Variants in VKORC1L1 observed in about 807,000 individuals in gnomAD.
VKORC1L1 encodes vitamin K epoxide reductase complex subunit 1L1.
A neutral mutation model predicts 18.9 loss-of-function variants in VKORC1L1; 2 were observed. The ratio of observed to expected loss-of-function variants is 0.11; its 90% CI spans 0.04 to 0.33. VKORC1L1 has a LOEUF of 0.33. VKORC1L1 is among the 10% of genes least tolerant of loss of function. VKORC1L1 has a pLI of 1.00. For missense variants in VKORC1L1, 123 were observed against 224.1 expected (o/e 0.55, Z 2.88); for synonymous variants, 96 against 100.0 (o/e 0.96, Z 0.24).
chr7:65,930,368 C>A (rs916346957), intron 1 of VKORC1L1, among the ~76,000 whole-genome samples: 1 of 152,144 alleles, frequency 6.6e-6, no homozygotes, highest in African/African-American at 2.4e-5. Flanking sequence ...AAGTTGTTGG[C>A]GTGGAGGAGC....
chr7:65,947,613 T>G (rs923290937), intron 1 of VKORC1L1, among the ~76,000 whole-genome samples: 7 of 152,186 alleles, frequency 4.6e-5, no homozygotes, highest in Non-Finnish European at 8.8e-5. Context: ...AAATAAAAAC[T>G]GATAGGGCAT....
chr7:65,920,348 A>G (rs1458911255), intron 1 of VKORC1L1, among the ~76,000 whole-genome samples: 2 of 152,098 alleles, frequency 1.3e-5, no homozygotes, highest in African/African-American at 2.4e-5. Flanking sequence ...TGCCCGACAA[A>G]TGCTGGGCAC....
chr7:65,902,338 CAG>C (rs1243921265), intron 1 of VKORC1L1, among the ~76,000 whole-genome samples: 3 of 152,112 alleles, frequency 2.0e-5, no homozygotes, highest in Non-Finnish European at 2.9e-5. Flanking sequence ...AAGACCCAAA[CAG>C]AACATCTTGA....
At chr7:65,942,045 A>AAAAG (rs1790043459) in intron 1 of VKORC1L1, among the ~76,000 whole-genome samples, 6 of 152,132 alleles carry the variant, frequency 3.9e-5, no homozygotes, top group Non-Finnish European at 7.3e-5. Context: ...CCTGTACTTT[A>AAAAG]TGATGTATAA....
chr7:65,934,542 C>G (rs1310205096), intron 1 of VKORC1L1, among the ~76,000 whole-genome samples: 1 of 152,166 alleles, frequency 6.6e-6, no homozygotes, highest in Non-Finnish European at 1.5e-5. Context: ...ATTCCTCCCA[C>G]TCCCCCAGCC....
Position 65,954,554 on chromosome 7 carries a change from T to A in VKORC1L1, c.*254T>A. 1 of 610,434 alleles carries A rather than the reference T, an allele frequency of 1.6e-6. No homozygotes were observed. Among genetic ancestry groups the A allele is most frequent in the Non-Finnish European group, 2.6e-6 (1 of 390,722 alleles). The allele number at this position is 610,434 out of a possible 1,614,324, so 37.8% of individuals were successfully genotyped here. On this transcript the variant is annotated 3_prime_UTR_variant, in exon 3 of 3. Coordinates refer to ENST00000360768, the MANE Select transcript of VKORC1L1 (RefSeq NM_173517.6). The stretch of plus-strand genomic sequence containing the variant: ...CAAGCTTTAACTTTACTTTGAAGTG[T>A]TTCTGAAATGATAAAATGTAGCCCT...
intron 1 of VKORC1L1, among the ~76,000 whole-genome samples, chr7:65,882,771 A>G (rs1052443717): frequency 6.6e-6 from 1 of 152,244 alleles, no homozygotes; most frequent in Non-Finnish European, 1.5e-5. Flanking sequence ...TGCCTAATGC[A>G]TATATCAGGA....
chr7:65,882,169 C>T (rs984434679), intron 1 of VKORC1L1, among the ~76,000 whole-genome samples: 9 of 151,916 alleles, frequency 5.9e-5, no homozygotes, highest in African/African-American at 2.2e-4. Context: ...CACCTGAGGT[C>T]GGGAGTTGGA....
intron 1 of VKORC1L1, among the ~76,000 whole-genome samples, chr7:65,947,431 T>C (rs1790139489): frequency 1.3e-5 from 2 of 151,662 alleles, no homozygotes; most frequent in African/African-American, 2.4e-5. Context: ...TTTTTTTTTT[T>C]AGTATTTAAG....
chr7:65,907,051 C>T (rs1239049411), intron 1 of VKORC1L1, among the ~76,000 whole-genome samples: 1 of 152,100 alleles, frequency 6.6e-6, no homozygotes, highest in Non-Finnish European at 1.5e-5. Context: ...CAAAGTAGTG[C>T]TTTATAATCA....
At position 65,917,467 on chromosome 7, in the gene VKORC1L1, C is replaced by T. The variant is rs149955085; in HGVS notation, c.195-31204C>T. On this transcript the variant is annotated intron_variant, in intron 1 of 2. Coordinates refer to ENST00000360768, the MANE Select transcript of VKORC1L1 (RefSeq NM_173517.6). ...ACTATACTCCAGGCATTGGAAGTAA[C>T]CTGCAGTTTGCCAGACTTTTCATGT... is the stretch of plus-strand genomic sequence containing the variant. 2.6e-3 allele frequency among the ~76,000 whole-genome samples: 395 copies of T among 152,316 alleles called. 6 individuals are homozygous for T. In the East Asian group the frequency reaches 0.027, roughly 11 times the overall value.
chr7:65,925,510 G>A (rs890372834), intron 1 of VKORC1L1, among the ~76,000 whole-genome samples: 2 of 152,190 alleles, frequency 1.3e-5, no homozygotes, highest in African/African-American at 4.8e-5. Context: ...GGTACTTGGT[G>A]TATTTAGTAC....
At chr7:65,940,403 A>G (rs1005240605) in intron 1 of VKORC1L1, among the ~76,000 whole-genome samples, 1 of 152,240 alleles carries the variant, frequency 6.6e-6, no homozygotes. Context: ...GATGTCCAGC[A>G]TCTCAGAAAT....
At chr7:65,905,041 G>GTATATATA (rs556663893) in intron 1 of VKORC1L1, among the ~76,000 whole-genome samples, 288 of 152,052 alleles carry the variant, frequency 1.9e-3, no homozygotes, top group Non-Finnish European at 3.5e-3. Context: ...ATATAGGTAT[G>GTATATATA]TATATATATA....
chr7:65,898,253 A>G (rs1012428270), intron 1 of VKORC1L1, among the ~76,000 whole-genome samples: 11 of 151,496 alleles, frequency 7.3e-5, no homozygotes, highest in Non-Finnish European at 2.9e-5. Flanking sequence ...CGCCCGGCTA[A>G]TTTTTGTATT....
intron 1 of VKORC1L1, among the ~76,000 whole-genome samples, chr7:65,896,832 C>T (rs1789221887): frequency 6.6e-6 from 1 of 152,042 alleles, no homozygotes; most frequent in Non-Finnish European, 1.5e-5. Flanking sequence ...GAAACTGTCT[C>T]TATTAAAAAT....
chr7:65,948,232 T>C (rs1562657517), intron 1 of VKORC1L1, among the ~76,000 whole-genome samples: 1 of 152,044 alleles, frequency 6.6e-6, no homozygotes, highest in South Asian at 2.1e-4. Context: ...TCTGGGGTAC[T>C]GTTAGTTATG....
intron 1 of VKORC1L1, among the ~76,000 whole-genome samples, chr7:65,942,618 T>C (rs1052931815): frequency 6.6e-6 from 1 of 151,678 alleles, no homozygotes; most frequent in Non-Finnish European, 1.5e-5. Flanking sequence ...GCTTGCGTCC[T>C]GGGTTCAAGC....
chr7:65,884,792 T>G (rs1788985989), intron 1 of VKORC1L1, among the ~76,000 whole-genome samples: 1 of 152,232 alleles, frequency 6.6e-6, no homozygotes, highest in Non-Finnish European at 1.5e-5. Flanking sequence ...GTTATTGTTT[T>G]GATTTGCATT....
Sources: allele counts gnomAD v4.1 joint callset (sites outside exome capture counted in the v4.1 genomes callset), GRCh38; gene constraint gnomAD v4.1.1; transcripts MANE v1.5; gene names NCBI Gene and HGNC (gene_info 2026-07-23, HGNC 2026-07-21).